CTSA: variants seen among roughly 807,000 people sequenced by gnomAD.
CTSA encodes cathepsin A, also known as lysosomal protective protein.
Under a neutral mutation model 66.7 loss-of-function variants are expected in CTSA, and 42 were observed. The observed-to-expected ratio is 0.63, with a 90% CI of 0.49 to 0.81. The LOEUF is 0.81. Among genes scored for constraint, CTSA ranks in the 40% least tolerant of loss-of-function variants. The pLI is 0.00. For missense variants in CTSA, 525 were observed against 610.9 expected (o/e 0.86, Z 1.48); for synonymous variants, 225 against 248.6 (o/e 0.91, Z 0.89).
intron 12 of CTSA, chr20:45,897,413 C>T: frequency 2.0e-6 from 1 of 498,102 alleles, no homozygotes; most frequent in East Asian, 3.9e-5. Context: ...ATAGCATGGG[C>T]TCTGGAGTCA....
In CTSA at chr20:45,891,548, C is replaced by A. The variant is rs1986913957; in HGVS notation, c.1-21C>A. The A allele has an allele frequency of 2.5e-6, 4 of 1,594,242 alleles. No homozygotes were observed. Among genetic ancestry groups the A allele is most frequent in the African/African-American group, 1.3e-5 (1 of 74,438 alleles). On this transcript the variant is annotated intron_variant, in intron 1 of 14. Transcript: ENST00000646241. The surrounding 1 kb of genome is among the most constrained non-coding windows in gnomAD (Gnocchi z 4.6). ...GAAGCGCTGAGGAGCGAGTCAACAG[C>A]CCCTCTGCTGCCTCCCGTAGATGAT...
At position 45,891,428 on chromosome 20, in the gene CTSA, G is replaced by A. The variant is rs768166872; in HGVS notation, c.-1+49G>A. The A allele has an allele frequency of 4.2e-5, 65 of 1,550,910 alleles. 1 individual carries two copies. In the South Asian group the frequency reaches 6.6e-4, roughly 16 times the overall value. ...GGGGATCCCCGAGCCCGGGATCGGTGCGCGGCAGAGGAGGCTCGCGGGTGG... is the reference window on the plus strand; with the variant it reads ...GGGGATCCCCGAGCCCGGGATCGGTACGCGGCAGAGGAGGCTCGCGGGTGG... On this transcript the variant is annotated intron_variant, in intron 1 of 14. Coordinates refer to ENST00000646241, the MANE Select transcript of CTSA (RefSeq NM_000308.4). This position sits in a 1 kb window ranked among gnomAD's most constrained non-coding sequence, Gnocchi z 4.6.
At chr20:45,893,387 G>A in intron 7 of CTSA, 76 bp downstream of exon 7, 1 of 1,103,192 alleles carries the variant, frequency 9.1e-7, no homozygotes. Context: ...CCAGGCACAT[G>A]ATATGACAGG....
intron 6 of CTSA, 166 bp downstream of exon 6, chr20:45,893,046 C>A: frequency 1.0e-6 from 1 of 954,056 alleles, no homozygotes; most frequent in African/African-American, 1.6e-5. Flanking sequence ...ACAGGAAACT[C>A]ACCTGTCAGG....
intron 11 of CTSA, 163 bp downstream of exon 11, chr20:45,895,296 A>C (rs1050469668): frequency 2.6e-6 from 2 of 782,584 alleles, no homozygotes; most frequent in African/African-American, 3.5e-5. Context: ...AGAGTCAGCC[A>C]ATTCATTCTT....
At position 45,897,770 on chromosome 20, in the gene CTSA, G is replaced by A; in HGVS notation, c.1218G>A (p.Met406Ile). The change falls in exon 13 of 15, where the codon ATG becomes ATA. Residue 406 changes from methionine to isoleucine, a missense_variant. Physicochemically the swap from Met to Ile is conservative, Grantham distance 10 (BLOSUM62 1). This residue lies in a region of CTSA where 274 missense variants were observed against 321.1 expected (regional missense o/e 0.85). Coordinates refer to ENST00000646241, the MANE Select transcript of CTSA (RefSeq NM_000308.4). ...NGDVDMACNFMGDEWFVDSLN... is the reference protein window; with the variant it reads ...NGDVDMACNFIGDEWFVDSLN... ...ATGTAGACATGGCCTGCAATTTCATGGGGGATGAGTGGTTTGTGGATTCCC... is the reference window on the plus strand; with the variant it reads ...ATGTAGACATGGCCTGCAATTTCATAGGGGATGAGTGGTTTGTGGATTCCC... The A allele has an allele frequency of 1.2e-6, 2 of 1,612,288 alleles. No homozygotes were observed. The highest frequency in any genetic ancestry group is 1.7e-6 in the Non-Finnish European group (2 of 1,178,450).
chr20:45,892,776 G>A lies in CTSA; in HGVS notation c.496G>A (p.Glu166Lys). 8.1e-6 allele frequency: 13 copies of A among 1,614,190 alleles called. No homozygotes were observed. The highest frequency in any genetic ancestry group is 1.0e-5 in the Non-Finnish European group (12 of 1,180,040). ...ALQDFFRLFP[E>K]YKNNKLFLTG... The stretch of plus-strand genomic sequence containing the variant: ...TCAAGATTTCTTCCGCCTCTTTCCG[G>A]AGTACAAGAACAACAAACTTTTCCT... The change falls in exon 6 of 15, where the codon GAG (glutamate) becomes AAG (lysine). Residue 166 changes from glutamate (E) to lysine (K), a missense_variant. Around this residue, in one of 3 missense-constraint regions of CTSA, gnomAD observed 246 missense variants for 267.4 expected, o/e 0.92. Coordinates refer to ENST00000646241, the MANE Select transcript of CTSA (RefSeq NM_000308.4).
intron 8 of CTSA, chr20:45,894,297 T>G (rs1045355107): frequency 1.1e-5 from 7 of 634,106 alleles, no homozygotes; most frequent in African/African-American, 9.1e-5. Flanking sequence ...TTCTTCACAT[T>G]TATCAAACAC....
rs1382530095 is a variant in CTSA, at chr20:45,893,628, G to A, written c.692+317G>A. On this transcript the variant is annotated intron_variant, in intron 7 of 14. Coordinates refer to ENST00000646241, the MANE Select transcript of CTSA (RefSeq NM_000308.4). The stretch of plus-strand genomic sequence containing the variant: ...CTCCCAGGCAGCTGGGACTACAGGC[G>A]CGTACCACCACACCTGCCTAATTTT... Among the ~76,000 whole-genome samples the A allele has an allele frequency of 2.3e-4, 35 of 151,974 alleles. 1 individual carries two copies. Among genetic ancestry groups the A allele is most frequent in the African/African-American group, 4.1e-4 (17 of 41,364 alleles).
At position 45,895,148 on chromosome 20, in the gene CTSA, C is replaced by T. The variant is rs2145819836; in HGVS notation, c.1088+15C>T. 1 of 1,613,998 alleles carries T rather than the reference C, an allele frequency of 6.2e-7. No individual in the cohort carries two copies. Among genetic ancestry groups the T allele is most frequent in the South Asian group, 1.1e-5 (1 of 91,084 alleles). On this transcript the variant is annotated intron_variant, in intron 11 of 14. Coordinates refer to ENST00000646241, the MANE Select transcript of CTSA (RefSeq NM_000308.4). ...GACATGTGCAAGTGAGGTTCCGTGG[C>T]CACCTGTGACTTGGGGTGGTGGGTT...
chr20:45,893,107 C>T (rs1987059661), intron 6 of CTSA, 113 bp from the exon 7 acceptor site: 1 of 1,057,422 alleles, frequency 9.5e-7, no homozygotes, highest in African/African-American at 1.6e-5. Context: ...CACCGGCCTA[C>T]ATAAACCACC....
rs552529394 is a variant in CTSA at position 45,898,648 on chromosome 20, G to A, written c.*198G>A. On this transcript the variant is annotated 3_prime_UTR_variant, in exon 15 of 15. Coordinates refer to ENST00000646241, the MANE Select transcript of CTSA (RefSeq NM_000308.4). This position sits in a 1 kb window ranked among gnomAD's most constrained non-coding sequence, Gnocchi z 4.6. ...GGGGGCAAGTTAGCACTTTATTCCC[G>A]CAGCAGTTCCTGAATGGGGTGGCCT... The A allele has an allele frequency of 7.8e-5, 54 of 694,314 alleles. No homozygotes were observed. The highest frequency in any genetic ancestry group is 2.2e-4 in the East Asian group (8 of 37,018). 43.0% of individuals were successfully genotyped at this position (694,314 alleles called of 1,614,324 possible).
Position 45,891,677 on chromosome 20 carries a change from C to T in CTSA, c.109C>T (p.Arg37Cys). 1.2e-6 allele frequency: 2 copies of T among 1,613,072 alleles called. No homozygotes were observed. The highest frequency in any genetic ancestry group is 2.2e-5 in the South Asian group (2 of 91,090). Reference sequence around the variant, plus strand: ...AGCCCCCGACCAGGACGAGATCCAGCGCCTCCCCGGGCTGGCCAAGCAGCC... The same window carrying T: ...AGCCCCCGACCAGGACGAGATCCAGTGCCTCCCCGGGCTGGCCAAGCAGCC... ...EAAPDQDEIQ[R>C]LPGLAKQPSF... Residue 37 changes from arginine (R) to cysteine (C), a missense_variant, in exon 2 of 15, where the codon CGC becomes TGC. Transcript: ENST00000646241. The surrounding 1 kb of genome is among the most constrained non-coding windows in gnomAD (Gnocchi z 4.6).
Position 45,898,330 on chromosome 20 carries a change from A to C in CTSA, c.1360-37A>C. On this transcript the variant is annotated intron_variant, in intron 14 of 14. Coordinates refer to ENST00000646241, the MANE Select transcript of CTSA (RefSeq NM_000308.4). This position sits in a 1 kb window ranked among gnomAD's most constrained non-coding sequence, Gnocchi z 4.6. ...TGAGCAGTTATATGGGGAGGAGGGA[A>C]TGGTGGGGTCAGGAGCTCACGAACA... The C allele has an allele frequency of 1.3e-6, 2 of 1,565,876 alleles. No homozygotes were observed. Among genetic ancestry groups the C allele is most frequent in the Non-Finnish European group, 1.8e-6 (2 of 1,138,940 alleles).
At chr20:45,894,535 GA>G (rs906405242) in intron 8 of CTSA, 114 bp from the exon 9 acceptor site, 8 of 971,750 alleles carry the variant, frequency 8.2e-6, no homozygotes, top group East Asian at 4.8e-5. Flanking sequence ...CCCTACCTGT[GA>G]AAAAAAGTGG....
chr20:45,897,842 G>A, intron 13 of CTSA, 36 bp downstream of exon 13: 1 of 1,540,996 alleles, frequency 6.5e-7, no homozygotes, highest in Non-Finnish European at 9.0e-7. Context: ...GATAGGGGCT[G>A]CTGTGGAGGA....
chr20:45,893,807 T>C (rs1987096298), intron 7 of CTSA, among the ~76,000 whole-genome samples, 181 bp from the exon 8 acceptor site: 1 of 152,146 alleles, frequency 6.6e-6, no homozygotes, highest in Non-Finnish European at 1.5e-5. Context: ...GAGGCCTGTC[T>C]GTATGACCCT....
In CTSA at chr20:45,893,347, A is replaced by T. The variant is rs756670959; in HGVS notation, c.692+36A>T. On this transcript the variant is annotated intron_variant, in intron 7 of 14. Coordinates refer to ENST00000646241, the MANE Select transcript of CTSA (RefSeq NM_000308.4). ...GGGCAGTTGGGCAATCTCTGGGGTG[A>T]GGCAGGTCACATGATCTCAGGTCTG... The T allele has an allele frequency of 6.7e-6, 10 of 1,501,884 alleles. No homozygotes were observed. In the African/African-American group the frequency reaches 1.1e-4, roughly 17 times the overall value. 93.0% of individuals were successfully genotyped at this position (1,501,884 alleles called of 1,614,324 possible). A position where few individuals can be genotyped will look rare whatever the true frequency, so the allele number is the denominator to read the frequency against.
chr20:45,894,805 C>G lies in CTSA; in HGVS notation c.870-18C>G. On this transcript the variant is annotated intron_variant, in intron 9 of 14. Coordinates refer to ENST00000646241, the MANE Select transcript of CTSA (RefSeq NM_000308.4). ...CCATCTGGAGGCTCCACACCCATTCCCCCACCTCACATTGCAGGTATGAGA... is the reference window on the plus strand; with the variant it reads ...CCATCTGGAGGCTCCACACCCATTCGCCCACCTCACATTGCAGGTATGAGA... 1 of 1,509,658 alleles carries G rather than the reference C, an allele frequency of 6.6e-7. No individual in the cohort carries two copies. Among genetic ancestry groups the G allele is most frequent in the Non-Finnish European group, 8.9e-7 (1 of 1,124,246 alleles). The allele number at this position is 1,509,658 out of a possible 1,614,324, so 93.5% of individuals were successfully genotyped here.
Sources: allele counts gnomAD v4.1 joint callset (sites outside exome capture counted in the v4.1 genomes callset), GRCh38; gene constraint gnomAD v4.1.1; regional missense constraint gnomAD v4.1.1; non-coding constraint Gnocchi (gnomAD v3.1); transcripts MANE v1.5; gene names NCBI Gene and HGNC (gene_info 2026-07-23, HGNC 2026-07-21).